Variants in ELMO1 observed in about 807,000 individuals in gnomAD.
ELMO1 encodes the protein engulfment and cell motility 1, also known as engulfment and cell motility protein 1.
A neutral mutation model predicts 98.9 loss-of-function variants in ELMO1; 26 were observed. That is an observed-to-expected ratio of 0.26 (90% confidence interval 0.19 to 0.36). ELMO1 has a LOEUF of 0.36. Among genes scored for constraint, ELMO1 ranks in the 10% least tolerant of loss-of-function variants. The pLI is 1.00. For missense variants in ELMO1, 627 were observed against 935.2 expected (o/e 0.67, Z 4.30); for synonymous variants, 346 against 346.0 (o/e 1.00, Z 0.00).
chr7:37,295,121 C>A (rs1347931153), intron 4 of ELMO1, among the ~76,000 whole-genome samples: 1 of 152,136 alleles, frequency 6.6e-6, no homozygotes, highest in African/African-American at 2.4e-5. Flanking sequence ...TGATATTATT[C>A]ATAAGCACAT....
chr7:37,009,142 C>T (rs1421459088), intron 16 of ELMO1, among the ~76,000 whole-genome samples: 9 of 152,110 alleles, frequency 5.9e-5, no homozygotes, highest in African/African-American at 2.2e-4. Flanking sequence ...TTACTTGTGT[C>T]CCCTTTCTTA....
At chr7:37,194,331 C>G (rs992663518) in intron 13 of ELMO1, among the ~76,000 whole-genome samples, 3 of 152,208 alleles carry the variant, frequency 2.0e-5, no homozygotes, top group Non-Finnish European at 2.9e-5. Flanking sequence ...CTCCTATCTG[C>G]AGAAAGAGCA....
chr7:37,161,775 T>C (rs575028226), intron 13 of ELMO1, among the ~76,000 whole-genome samples: 59 of 150,528 alleles, frequency 3.9e-4, no homozygotes, highest in Non-Finnish European at 8.1e-4. Context: ...AGAAAATGGC[T>C]AGGTACACTA....
At chr7:37,099,997 C>G (rs966761560) in intron 14 of ELMO1, among the ~76,000 whole-genome samples, 3 of 152,120 alleles carry the variant, frequency 2.0e-5, no homozygotes, top group Admixed American at 1.3e-4. Context: ...CCACACCCAA[C>G]TAATTTTTGT....
intron 13 of ELMO1, among the ~76,000 whole-genome samples, chr7:37,207,194 G>A (rs1792681181): frequency 6.6e-6 from 1 of 152,204 alleles, no homozygotes; most frequent in Admixed American, 6.5e-5. Context: ...TCCTAGAGGT[G>A]AGAGTCTGCC....
chr7:37,117,036 C>T (rs1412253824), intron 14 of ELMO1: 1 of 209,632 alleles, frequency 4.8e-6, no homozygotes, highest in East Asian at 1.1e-4. Context: ...TAATTATGTT[C>T]CTGAGATCTT....
At chr7:37,447,104 C>T (rs1805647246) in intron 1 of ELMO1, among the ~76,000 whole-genome samples, 1 of 152,092 alleles carries the variant, frequency 6.6e-6, no homozygotes, top group African/African-American at 2.4e-5. Context: ...GAGGAGACCC[C>T]AATAATAGCT....
chr7:37,010,783 C>T (rs972009583), intron 16 of ELMO1, among the ~76,000 whole-genome samples: 2 of 151,884 alleles, frequency 1.3e-5, no homozygotes, highest in African/African-American at 4.8e-5. Context: ...GTATCAGCAA[C>T]AGAAAAGTTA....
chr7:37,347,218 A>C (rs1801049128), intron 1 of ELMO1, among the ~76,000 whole-genome samples: 1 of 152,222 alleles, frequency 6.6e-6, no homozygotes, highest in Non-Finnish European at 1.5e-5. Context: ...ACAGCACTTA[A>C]GGCTTCTATA....
At chr7:37,205,656 A>G (rs1792572698) in intron 13 of ELMO1, among the ~76,000 whole-genome samples, 1 of 152,164 alleles carries the variant, frequency 6.6e-6, no homozygotes, top group Non-Finnish European at 1.5e-5. Flanking sequence ...ACCTGTTTGA[A>G]GCATGAGAGC....
chr7:37,193,302 C>T (rs142898777), intron 13 of ELMO1, among the ~76,000 whole-genome samples: 8 of 152,120 alleles, frequency 5.3e-5, no homozygotes, highest in Non-Finnish European at 8.8e-5. Flanking sequence ...CAGCCCAACC[C>T]GCACAGTGAT....
At chr7:37,340,990 T>C (rs1245648498) in intron 2 of ELMO1, among the ~76,000 whole-genome samples, 1 of 152,270 alleles carries the variant, frequency 6.6e-6, no homozygotes, top group East Asian at 1.9e-4. Context: ...TTCTGATTAG[T>C]ACTCGGGCTT....
chr7:37,227,882 A>G (rs1316377240), intron 8 of ELMO1, among the ~76,000 whole-genome samples: 7 of 152,242 alleles, frequency 4.6e-5, no homozygotes, highest in Non-Finnish European at 1.5e-5. Context: ...TCTCCTAAGA[A>G]ATGAATCCCT....
intron 15 of ELMO1, among the ~76,000 whole-genome samples, chr7:37,086,743 CA>C (rs755237121): frequency 0.016 from 768 of 48,818 alleles, 1 homozygote; most frequent in African/African-American, 0.04. Flanking sequence ...ATCCTGTCTC[CA>C]AAAAAAAAAA....
intron 15 of ELMO1, among the ~76,000 whole-genome samples, chr7:37,055,602 G>A (rs1796351418): frequency 6.6e-6 from 1 of 152,188 alleles, no homozygotes; most frequent in African/African-American, 2.4e-5. Flanking sequence ...TCAAGAGGAT[G>A]TTAGCTCCAG....
chr7:36,956,556 T>C (rs989692738), intron 16 of ELMO1, among the ~76,000 whole-genome samples: 1 of 152,122 alleles, frequency 6.6e-6, no homozygotes, highest in African/African-American at 2.4e-5. Flanking sequence ...AAAAAAAAGG[T>C]CACTTTATTC....
chr7:37,045,848 A>C lies in ELMO1; in HGVS notation c.1301-32413T>G, dbSNP rs972701857. 7.2e-5 allele frequency among the ~76,000 whole-genome samples: 11 copies of C among 152,180 alleles called. No homozygotes were observed. In the East Asian group the frequency reaches 1.9e-3, roughly 27 times the overall value. ...ATTTCCCCACAGCTTACCACACATT[A>C]TCTAGATAACAACCACTATGAGGTT... On this transcript the variant is annotated intron_variant, in intron 15 of 21. Transcript: ENST00000310758.
At chr7:37,322,245 A>G (rs1487141298) in intron 2 of ELMO1, among the ~76,000 whole-genome samples, 1 of 152,096 alleles carries the variant, frequency 6.6e-6, no homozygotes, top group African/African-American at 2.4e-5. Context: ...TGGGAGGCCA[A>G]GGCAGGTGGA....
Position 37,016,409 on chromosome 7 carries a change from G to A in ELMO1, c.1301-2974C>T, listed in dbSNP as rs577594741. Among the ~76,000 whole-genome samples, 3 of 152,270 alleles carry A rather than the reference G, an allele frequency of 2.0e-5. No homozygotes were observed. The East Asian group carries it at 5.8e-4, about 29-fold the overall frequency. The stretch of plus-strand genomic sequence containing the variant: ...GGATAAATAACACCTTCCATCATGA[G>A]CTTTTTTTAGTTGGCCCCAAATGAG... On this transcript the variant is annotated intron_variant, in intron 15 of 21. Coordinates refer to ENST00000310758, the MANE Select transcript of ELMO1 (RefSeq NM_014800.11).
Sources: allele counts gnomAD v4.1 joint callset (sites outside exome capture counted in the v4.1 genomes callset), GRCh38; gene constraint gnomAD v4.1.1; transcripts MANE v1.5; gene names NCBI Gene and HGNC (gene_info 2026-07-23, HGNC 2026-07-21).